The following CHRNA9 variants were observed in gnomAD, a reference collection of about 807,000 sequenced individuals.
CHRNA9 encodes neuronal acetylcholine receptor subunit alpha-9.
A neutral mutation model predicts 36.8 loss-of-function variants in CHRNA9; 24 were observed. The observed-to-expected ratio is 0.65, with a 90% CI of 0.47 to 0.92. The LOEUF (loss-of-function observed/expected upper bound fraction) is 0.92, where lower values mean the gene tolerates loss of function less well. CHRNA9 is among the 40% of genes least tolerant of loss of function. CHRNA9 has a pLI of 0.00. For synonymous variants in CHRNA9, 231 were observed against 231.8 expected, an observed-to-expected ratio of 1.00 and a Z score of 0.03; for missense variants, 610 against 601.2, an observed-to-expected ratio of 1.01 and a Z score of -0.15.
intron 3 of CHRNA9, among the ~76,000 whole-genome samples, chr4:40,339,002 G>T (rs1712411498): frequency 6.6e-6 from 1 of 152,166 alleles, no homozygotes; most frequent in African/African-American, 2.4e-5. Context: ...CACAGGCAGG[G>T]CGTGAGGACT....
At chr4:40,342,681 G>A (rs9995944) in intron 3 of CHRNA9, among the ~76,000 whole-genome samples, 21,435 of 152,078 alleles carry the variant, frequency 0.14, 1,562 homozygotes, top group African/African-American at 0.16. Flanking sequence ...GCAGGAGTCA[G>A]GAAATAAAAG....
At position 40,354,015 on chromosome 4, in the gene CHRNA9, C is replaced by A; in HGVS notation, c.935C>A (p.Ala312Asp). ...YYIATMALIT[A>D]STALTIMVMN... is the part of the protein sequence containing the mutation. ...ATAGCCACGATGGCCCTGATCACAG[C>A]CTCCACTGCGTTGACCATCATGGTG... Residue 312 changes from alanine (A) to aspartate (D), a missense_variant, in exon 5 of 5, where the codon GCC becomes GAC. Coordinates refer to ENST00000310169, the MANE Select transcript of CHRNA9 (RefSeq NM_017581.4). 6.2e-7 allele frequency: 1 copy of A among 1,611,770 alleles called. No homozygotes were observed. The highest frequency in any genetic ancestry group is 1.7e-5 in the Admixed American group (1 of 59,784).
At chr4:40,347,382 A>C (rs1712665706) in intron 3 of CHRNA9, among the ~76,000 whole-genome samples, 2 of 152,248 alleles carry the variant, frequency 1.3e-5, no homozygotes, top group Non-Finnish European at 2.9e-5. Flanking sequence ...AGCATTGCTT[A>C]TAAATACAAA....
intron 3 of CHRNA9, among the ~76,000 whole-genome samples, chr4:40,344,558 A>G (rs567098891): frequency 6.6e-6 from 1 of 151,832 alleles, no homozygotes; most frequent in South Asian, 2.1e-4. Context: ...AAGACATTAG[A>G]TTTAGGTTTT....
At chr4:40,336,871 A>G (rs991439592) in intron 2 of CHRNA9, among the ~76,000 whole-genome samples, 4 of 152,216 alleles carry the variant, frequency 2.6e-5, no homozygotes, top group Non-Finnish European at 5.9e-5. Context: ...TGAAACTTGA[A>G]AGATTTTCCT....
intron 2 of CHRNA9, among the ~76,000 whole-genome samples, chr4:40,336,810 T>C (rs1712337500): frequency 6.6e-6 from 1 of 152,218 alleles, no homozygotes; most frequent in Admixed American, 6.5e-5. Flanking sequence ...GGTAGTGTTT[T>C]AAGATGGCAT....
At chr4:40,348,356 T>C (rs1452289403) in intron 3 of CHRNA9, among the ~76,000 whole-genome samples, 1 of 152,248 alleles carries the variant, frequency 6.6e-6, no homozygotes, top group African/African-American at 2.4e-5. Context: ...AAAGAAGATA[T>C]ATCTGGAATA....
At chr4:40,336,639 G>C (rs1473409167) in intron 2 of CHRNA9, among the ~76,000 whole-genome samples, 1 of 137,674 alleles carries the variant, frequency 7.3e-6, no homozygotes, top group African/African-American at 2.9e-5. Flanking sequence ...ACCACACCCG[G>C]CTAATTTTTT....
chr4:40,348,696 C>T (rs1712704213), intron 3 of CHRNA9, among the ~76,000 whole-genome samples, 186 bp from the exon 4 acceptor site: 1 of 152,098 alleles, frequency 6.6e-6, no homozygotes, highest in African/African-American at 2.4e-5. Context: ...TTGGCCCTGA[C>T]TAGTTACAGG....
chr4:40,345,602 C>G (rs1712616927), intron 3 of CHRNA9, among the ~76,000 whole-genome samples: 1 of 151,700 alleles, frequency 6.6e-6, no homozygotes, highest in Non-Finnish European at 1.5e-5. Context: ...ATTCCAGCAC[C>G]TCGGGAGTCT....
intron 4 of CHRNA9, among the ~76,000 whole-genome samples, chr4:40,352,178 A>G (rs1347803500): frequency 1.3e-5 from 2 of 152,056 alleles, no homozygotes; most frequent in African/African-American, 4.8e-5. Flanking sequence ...GACATCTAAC[A>G]TTTTTCCAGC....
chr4:40,342,694 A>G (rs1397380671), intron 3 of CHRNA9, among the ~76,000 whole-genome samples: 2 of 152,194 alleles, frequency 1.3e-5, no homozygotes, highest in African/African-American at 4.8e-5. Flanking sequence ...AATAAAAGCA[A>G]GAGGAAACGG....
intron 3 of CHRNA9, among the ~76,000 whole-genome samples, chr4:40,340,837 G>T (rs1712478198): frequency 6.6e-6 from 1 of 152,082 alleles, no homozygotes; most frequent in Admixed American, 6.6e-5. Context: ...GTTTGGAAGA[G>T]AGAAGACCTT....
intron 3 of CHRNA9, among the ~76,000 whole-genome samples, chr4:40,344,565 T>C (rs1712585379): frequency 6.6e-6 from 1 of 150,832 alleles, no homozygotes; most frequent in Non-Finnish European, 1.5e-5. Context: ...TAGATTTAGG[T>C]TTTTGGTAGT....
intron 1 of CHRNA9, 79 bp from the exon 2 acceptor site, chr4:40,335,748 T>C (rs1159276123): frequency 1.4e-6 from 2 of 1,419,232 alleles, no homozygotes; most frequent in African/African-American, 2.8e-5. Flanking sequence ...TCCCCCATTT[T>C]AGACCTCAGT....
chr4:40,337,394 A>G (rs1560314984), intron 3 of CHRNA9, 30 bp downstream of exon 3: 3 of 1,589,678 alleles, frequency 1.9e-6, no homozygotes, highest in Non-Finnish European at 1.7e-6. Flanking sequence ...GAGGCTTTTC[A>G]GGCATGAACG....
rs569700044 is a variant in CHRNA9, at chr4:40,354,038, G to A, written c.958G>A (p.Val320Met). ...ITASTALTIMVMNIHFCGAEA... is the reference protein window; with the variant it reads ...ITASTALTIMMMNIHFCGAEA... ...AGCCTCCACTGCGTTGACCATCATG[G>A]TGATGAATATCCACTTCTGTGGGGC... The change falls in exon 5 of 5, where the codon GTG becomes ATG. Residue 320 changes from valine (V) to methionine (M), a missense_variant. Physicochemically the swap from Val to Met is conservative, Grantham distance 21. Coordinates refer to ENST00000310169, the MANE Select transcript of CHRNA9 (RefSeq NM_017581.4). The A allele has an allele frequency of 1.9e-6, 3 of 1,614,188 alleles. No individual in the cohort carries two copies. Among genetic ancestry groups the A allele is most frequent in the South Asian group, 1.1e-5 (1 of 91,080 alleles).
intron 3 of CHRNA9, among the ~76,000 whole-genome samples, chr4:40,346,647 C>T (rs189003472): frequency 6.6e-5 from 10 of 152,142 alleles, no homozygotes; most frequent in African/African-American, 1.9e-4. Context: ...TTGTTATCTT[C>T]GCGAACACTC....
At chr4:40,336,281 A>G (rs1269540938) in intron 2 of CHRNA9, among the ~76,000 whole-genome samples, 4 of 152,204 alleles carry the variant, frequency 2.6e-5, no homozygotes, top group Non-Finnish European at 5.9e-5. Flanking sequence ...AGAAAACGGC[A>G]TAGAGGTTGC....
Sources: gnomAD v4.1 joint callset for allele counts (sites outside exome capture counted in the v4.1 genomes callset) on GRCh38, gnomAD v4.1.1 for gene constraint, MANE v1.5 for transcripts, NCBI Gene and HGNC (gene_info 2026-07-23, HGNC 2026-07-21) for gene names.